The following IP6K1 variants were observed in gnomAD, a reference collection of about 807,000 sequenced individuals.
IP6K1 encodes the protein inositol hexakisphosphate kinase 1, also known as ATP:1D-myo-inositol-hexakisphosphate phosphotransferase.
In IP6K1, 13 loss-of-function variants were observed where a neutral mutation model predicts 38.3. That is an observed-to-expected ratio of 0.34 (90% CI 0.22 to 0.54). The LOEUF (loss-of-function observed/expected upper bound fraction) is 0.54, where lower values mean the gene tolerates loss of function less well. IP6K1 is among the 20% of genes least tolerant of loss of function. IP6K1 has a pLI of 0.92. For synonymous variants in IP6K1, 212 were observed against 229.9 expected (o/e 0.92, Z 0.70); for missense variants, 397 against 599.8 (o/e 0.66, Z 3.53).
chr3:49,738,421 G>A lies in IP6K1; in HGVS notation c.225C>T (p.Gly75=), dbSNP rs756134635. The A allele has an allele frequency of 5.0e-6, 8 of 1,612,978 alleles. No individual in the cohort carries two copies. The highest frequency in any genetic ancestry group is 4.4e-5 in the South Asian group (4 of 91,064). Residue 75 remains glycine (G), a splice_region_variant and synonymous_variant, in exon 3 of 6, where the codon GGC becomes GGT. Coordinates refer to ENST00000321599, the MANE Select transcript of IP6K1 (RefSeq NM_153273.4). Reference sequence around the variant, plus strand: ...CCCCCTCAAAACAGACAGATACCACGCCTGTTAAAAAAAGGGCAGTTGGTA... The same window carrying A: ...CCCCCTCAAAACAGACAGATACCACACCTGTTAAAAAAAGGGCAGTTGGTA... ...EMKEFTPEYK[G]VVSVCFEGDS... is the part of the protein sequence containing the mutation.
intron 2 of IP6K1, among the ~76,000 whole-genome samples, chr3:49,743,236 C>A (rs1366606845): frequency 8.9e-6 from 1 of 112,642 alleles, no homozygotes; most frequent in East Asian, 2.8e-4. Flanking sequence ...AAAACAAAAA[C>A]AAAATACACA....
chr3:49,753,430 T>C (rs2080795799), intron 1 of IP6K1, among the ~76,000 whole-genome samples: 2 of 152,120 alleles, frequency 1.3e-5, no homozygotes, highest in African/African-American at 2.4e-5. Context: ...TTTAATTGGC[T>C]CTTCTTTTTC....
intron 1 of IP6K1, among the ~76,000 whole-genome samples, chr3:49,750,932 TTAA>T (rs2080771473): frequency 6.6e-6 from 1 of 152,206 alleles, no homozygotes; most frequent in African/African-American, 2.4e-5. Flanking sequence ...TGGTACTTTC[TTAA>T]TAACCCTGAA....
At chr3:49,740,228 C>CTT (rs71080547) in intron 2 of IP6K1, among the ~76,000 whole-genome samples, 32 of 76,450 alleles carry the variant, frequency 4.2e-4, no homozygotes, top group African/African-American at 1.2e-3. Context: ...ATTTGCAATT[C>CTT]TTTTTTTTTT....
chr3:49,784,103 G>A (rs761249264), intron 1 of IP6K1, among the ~76,000 whole-genome samples: 19 of 151,950 alleles, frequency 1.3e-4, no homozygotes, highest in Non-Finnish European at 2.5e-4. Flanking sequence ...TGCAACCTCC[G>A]CTTTCCGGGT....
chr3:49,728,244 G>C lies in IP6K1; in HGVS notation c.651C>G (p.Phe217Leu). ...FLLLENVVHH[F>L]KYPCVLDLKM... Reference sequence around the variant, plus strand: ...TCAGGTCCAACACGCAGGGGTACTTGAAGTGGTGCACCACGTTCTCAAGCA... The same window carrying C: ...TCAGGTCCAACACGCAGGGGTACTTCAAGTGGTGCACCACGTTCTCAAGCA... The change falls in exon 5 of 6, where the codon TTC becomes TTG. Residue 217 changes from phenylalanine (F) to leucine (L), a missense_variant. Physicochemically the swap from Phe to Leu is conservative, Grantham distance 22. Transcript: ENST00000321599. The C allele has an allele frequency of 1.2e-6, 2 of 1,614,112 alleles. No individual in the cohort carries two copies. The highest frequency in any genetic ancestry group is 1.7e-6 in the Non-Finnish European group (2 of 1,180,022).
At chr3:49,782,809 C>A (rs2081077776) in intron 1 of IP6K1, among the ~76,000 whole-genome samples, 1 of 151,744 alleles carries the variant, frequency 6.6e-6, no homozygotes, top group South Asian at 2.1e-4. Context: ...GAGACTGTCT[C>A]TTAAAAAAGG....
intron 2 of IP6K1, among the ~76,000 whole-genome samples, chr3:49,738,826 G>C (rs1365973012): frequency 6.6e-6 from 1 of 151,790 alleles, no homozygotes; most frequent in Non-Finnish European, 1.5e-5. Flanking sequence ...GTTTCCTTCT[G>C]CCTGACAGTG....
rs1437111704 is a variant in IP6K1, at chr3:49,725,279, G to C, written c.*1843C>G. On this transcript the variant is annotated 3_prime_UTR_variant, in exon 6 of 6. Transcript: ENST00000321599. ...CCCCAAAAGGTCCCAAACAGTTCCA[G>C]ACCCTATGTCTTACCCTCCACCCTA... The C allele has an allele frequency of 6.6e-6, 1 of 152,572 alleles. No individual in the cohort carries two copies. Among genetic ancestry groups the C allele is most frequent in the Non-Finnish European group, 1.5e-5 (1 of 68,076 alleles). 9.5% of individuals were successfully genotyped at this position (152,572 alleles called of 1,614,324 possible).
intron 4 of IP6K1, among the ~76,000 whole-genome samples, chr3:49,732,228 C>G (rs745614367): frequency 1.6e-4 from 24 of 152,296 alleles, no homozygotes; most frequent in Non-Finnish European, 3.5e-4. Context: ...CCACGCCCAG[C>G]TATCTTTAAC....
chr3:49,748,574 T>TGG (rs1301775469), intron 1 of IP6K1, among the ~76,000 whole-genome samples: 1 of 152,208 alleles, frequency 6.6e-6, no homozygotes, highest in Non-Finnish European at 1.5e-5. Flanking sequence ...TATCCAGTAC[T>TGG]GGTAAGGGTC....
intron 1 of IP6K1, among the ~76,000 whole-genome samples, chr3:49,776,883 A>G (rs1471240966): frequency 6.6e-6 from 1 of 152,256 alleles, no homozygotes; most frequent in African/African-American, 2.4e-5. Context: ...TGTGTCCAAG[A>G]AAGCAGGCTG....
At chr3:49,761,398 G>A (rs965115984) in intron 1 of IP6K1, among the ~76,000 whole-genome samples, 7 of 151,186 alleles carry the variant, frequency 4.6e-5, no homozygotes, top group East Asian at 2.0e-4. Flanking sequence ...AGGCCGAGGC[G>A]GGCGGATCAC....
chr3:49,759,635 C>T (rs1395747513), intron 1 of IP6K1, among the ~76,000 whole-genome samples: 4 of 149,294 alleles, frequency 2.7e-5, no homozygotes, highest in Non-Finnish European at 5.9e-5. Context: ...TTTGAACATC[C>T]ATCATGTAGA....
chr3:49,758,539 CT>C (rs1387229944), intron 1 of IP6K1: 1 of 152,168 alleles, frequency 6.6e-6, no homozygotes. Context: ...CCGTAGTTCT[CT>C]GTAAATTTGC....
At chr3:49,744,131 G>A (rs1264103991) in intron 2 of IP6K1, among the ~76,000 whole-genome samples, 5 of 151,332 alleles carry the variant, frequency 3.3e-5, no homozygotes, top group Non-Finnish European at 2.9e-5. Flanking sequence ...GGCCGGGCAC[G>A]GTGGCTCACT....
intron 1 of IP6K1, among the ~76,000 whole-genome samples, chr3:49,778,130 C>T (rs1446079760): frequency 6.0e-5 from 9 of 151,110 alleles, no homozygotes; most frequent in Admixed American, 5.9e-4. Context: ...TCGAGACCAT[C>T]CTGGCCAACA....
At chr3:49,750,396 G>A (rs1403495229) in intron 1 of IP6K1, among the ~76,000 whole-genome samples, 2 of 152,164 alleles carry the variant, frequency 1.3e-5, no homozygotes, top group Admixed American at 6.6e-5. Flanking sequence ...TGGTGCAGGA[G>A]GAGAGTCAAG....
At chr3:49,733,968 A>C (rs563029962) in intron 3 of IP6K1, among the ~76,000 whole-genome samples, 2 of 152,234 alleles carry the variant, frequency 1.3e-5, no homozygotes, top group African/African-American at 4.8e-5. Context: ...CATCTGTACA[A>C]AAAATTTAAA....
Sources: gnomAD v4.1 joint callset for allele counts (sites outside exome capture counted in the v4.1 genomes callset) on GRCh38, gnomAD v4.1.1 for gene constraint, MANE v1.5 for transcripts, NCBI Gene and HGNC (gene_info 2026-07-23, HGNC 2026-07-21) for gene names.